Variants in YPEL2 observed in about 807,000 individuals in gnomAD.
The protein encoded by YPEL2 is protein yippee-like 2.
YPEL2 carries 2 observed loss-of-function variants against 19.1 expected under a neutral mutation model. The ratio of observed to expected loss-of-function variants is 0.10; its 90% CI spans 0.04 to 0.33. The LOEUF (loss-of-function observed/expected upper bound fraction) is 0.33. Among genes scored for constraint, YPEL2 ranks in the 10% least tolerant of loss-of-function variants. The pLI is 1.00. For synonymous variants in YPEL2, 52 were observed against 50.0 expected, an observed-to-expected ratio of 1.04 and a Z score of -0.17; for missense variants, 66 against 140.7, an observed-to-expected ratio of 0.47 and a Z score of 2.68.
chr17:59,381,342 T>TG, intron 2 of YPEL2, among the ~76,000 whole-genome samples: 1 of 152,328 alleles, frequency 6.6e-6, no homozygotes, highest in Admixed American at 6.5e-5. Context: ...CTGAGGCACA[T>TG]GCTTGGTAGC....
intron 1 of YPEL2, among the ~76,000 whole-genome samples, chr17:59,342,288 T>C (rs1243627811): frequency 1.3e-5 from 2 of 152,178 alleles, no homozygotes; most frequent in Admixed American, 6.5e-5. Flanking sequence ...TACAACACAT[T>C]CATGTATTCA....
intron 2 of YPEL2, among the ~76,000 whole-genome samples, chr17:59,358,283 G>A (rs2047823305): frequency 6.6e-6 from 1 of 152,158 alleles, no homozygotes; most frequent in Non-Finnish European, 1.5e-5. Flanking sequence ...TGGGCTTACA[G>A]TGGTGACATT....
At chr17:59,375,848 TGA>T (rs2047917822) in intron 2 of YPEL2, among the ~76,000 whole-genome samples, 1 of 152,074 alleles carries the variant, frequency 6.6e-6, no homozygotes, top group African/African-American at 2.4e-5. Flanking sequence ...TCTAACAGAG[TGA>T]GCCATCCTCC....
intron 2 of YPEL2, among the ~76,000 whole-genome samples, chr17:59,374,228 A>G (rs549506904): frequency 1.3e-5 from 2 of 152,320 alleles, no homozygotes; most frequent in East Asian, 3.9e-4. Context: ...TTCCATTTCT[A>G]GAGGGAATAC....
In YPEL2 at chr17:59,353,133, T is replaced by C; in HGVS notation, c.-195-82T>C. The stretch of plus-strand genomic sequence containing the variant: ...GATCCTGTCAGTGTTGCCTTCTTCA[T>C]GGGTGGCAGTTGGATTCTGCTTGCT... On this transcript the variant is annotated intron_variant, in intron 1 of 4. Coordinates refer to ENST00000312655, the MANE Select transcript of YPEL2 (RefSeq NM_001005404.4). This position sits in a 1 kb window ranked among gnomAD's most constrained non-coding sequence, Gnocchi z 4.8. The C allele has an allele frequency of 3.4e-6, 1 of 291,568 alleles. No individual in the cohort carries two copies. The highest frequency in any genetic ancestry group is 6.4e-6 in the Non-Finnish European group (1 of 155,800). 18.1% of individuals were successfully genotyped at this position (291,568 alleles called of 1,614,324 possible).
At chr17:59,336,046 G>A (rs1281286200) in intron 1 of YPEL2, among the ~76,000 whole-genome samples, 1 of 152,198 alleles carries the variant, frequency 6.6e-6, no homozygotes, top group African/African-American at 2.4e-5. Flanking sequence ...AAGCTTGAGA[G>A]CTTCTCTGTC....
chr17:59,348,353 A>C (rs2047767556), intron 1 of YPEL2, among the ~76,000 whole-genome samples: 1 of 152,132 alleles, frequency 6.6e-6, no homozygotes, highest in South Asian at 2.1e-4. Flanking sequence ...CTTCCACATC[A>C]TTCCTCACGT....
chr17:59,332,314 C>T (rs1253191975), intron 1 of YPEL2, among the ~76,000 whole-genome samples: 1 of 152,126 alleles, frequency 6.6e-6, no homozygotes, highest in African/African-American at 2.4e-5. Context: ...GCCCTGGGGG[C>T]CTTCCACTGT....
intron 1 of YPEL2, among the ~76,000 whole-genome samples, chr17:59,350,491 C>T (rs998264724): frequency 6.6e-6 from 1 of 152,190 alleles, no homozygotes; most frequent in African/African-American, 2.4e-5. Flanking sequence ...CTTCCAGAGC[C>T]TTTCTAGCAC....
At chr17:59,392,507 G>T (rs1050531453) in intron 4 of YPEL2, among the ~76,000 whole-genome samples, 227 of 103,168 alleles carry the variant, frequency 2.2e-3, no homozygotes, top group African/African-American at 8.2e-3. Context: ...CTCAGGGCAC[G>T]TTTTTTTTTT....
At chr17:59,387,022 A>G (rs1347275936) in intron 2 of YPEL2, among the ~76,000 whole-genome samples, 1 of 152,092 alleles carries the variant, frequency 6.6e-6, no homozygotes, top group African/African-American at 2.4e-5. Flanking sequence ...GTACTTTGGG[A>G]GGCCGAGGCG....
At chr17:59,362,991 A>G (rs1401606731) in intron 2 of YPEL2, 6 of 152,208 alleles carry the variant, frequency 3.9e-5, no homozygotes, top group African/African-American at 1.4e-4. Flanking sequence ...AGAGCCTGTG[A>G]TGTTTAGGAA....
At chr17:59,338,855 G>A (rs1414012890) in intron 1 of YPEL2, among the ~76,000 whole-genome samples, 3 of 152,118 alleles carry the variant, frequency 2.0e-5, no homozygotes, top group Non-Finnish European at 2.9e-5. Flanking sequence ...TACAAAATCA[G>A]AATTTTCAGG....
intron 2 of YPEL2, chr17:59,362,975 A>C (rs887112344): frequency 6.6e-5 from 10 of 152,186 alleles, no homozygotes; most frequent in African/African-American, 2.4e-4. Flanking sequence ...TGATTCCTGC[A>C]CTTAAAGAGC....
chr17:59,349,414 AACCTCCGCCTCCCAGGCTCAAGTGATTC>A (rs2047775852), intron 1 of YPEL2, among the ~76,000 whole-genome samples: 1 of 138,412 alleles, frequency 7.2e-6, no homozygotes, highest in African/African-American at 2.8e-5. Context: ...TCCAGGCTGC[AACCTCCGCCTCCCAGGCTCAAGTGATTC>A]ACCTGCCTCA....
chr17:59,358,461 G>A (rs1435202651), intron 2 of YPEL2, among the ~76,000 whole-genome samples: 1 of 152,040 alleles, frequency 6.6e-6, no homozygotes, highest in Non-Finnish European at 1.5e-5. Context: ...CCAGTGTAGT[G>A]TAGTGTAGTA....
chr17:59,338,358 C>T (rs758604717), intron 1 of YPEL2, among the ~76,000 whole-genome samples: 3 of 152,088 alleles, frequency 2.0e-5, no homozygotes, highest in Admixed American at 1.3e-4. Flanking sequence ...TTACCTGATA[C>T]GAAATTTTTA....
At chr17:59,352,809 A>C (rs1312163258) in intron 1 of YPEL2, among the ~76,000 whole-genome samples, 1 of 151,928 alleles carries the variant, frequency 6.6e-6, no homozygotes, top group Non-Finnish European at 1.5e-5. Flanking sequence ...GATGTGGTGA[A>C]CCTCTAGAGG....
At chr17:59,365,686 A>G (rs2047865191) in intron 2 of YPEL2, among the ~76,000 whole-genome samples, 1 of 152,218 alleles carries the variant, frequency 6.6e-6, no homozygotes, top group Non-Finnish European at 1.5e-5. Context: ...AGCTGCTGAG[A>G]GGAGGGTTTG....
Sources: allele counts gnomAD v4.1 joint callset (sites outside exome capture counted in the v4.1 genomes callset), GRCh38; gene constraint gnomAD v4.1.1; non-coding constraint Gnocchi (gnomAD v3.1); transcripts MANE v1.5; gene names NCBI Gene and HGNC (gene_info 2026-07-23, HGNC 2026-07-21).